FSTL4: variants seen among roughly 807,000 people sequenced by gnomAD.
FSTL4 encodes the protein follistatin like 4.
Under a neutral mutation model 78.2 loss-of-function variants are expected in FSTL4, and 28 were observed. The observed-to-expected ratio is 0.36, with a 90% CI of 0.27 to 0.49. The LOEUF is 0.49. Ranked by LOEUF, FSTL4 falls within the 20% of genes least tolerant of loss-of-function variation. The pLI, the probability that FSTL4 is intolerant of heterozygous loss-of-function variation, is 0.98. For synonymous variants in FSTL4, 422 were observed against 440.5 expected, an observed-to-expected ratio of 0.96 and a Z score of 0.53; for missense variants, 922 against 1,084.9, an observed-to-expected ratio of 0.85 and a Z score of 2.11.
chr5:133,212,744 A>C (rs528692775), intron 13 of FSTL4, among the ~76,000 whole-genome samples: 1 of 152,206 alleles, frequency 6.6e-6, no homozygotes, highest in Non-Finnish European at 1.5e-5. Context: ...CTTTTGAAAG[A>C]TATCAGTATA....
chr5:133,705,276 G>A, the FSTL4 span, among the ~76,000 whole-genome samples: 1 of 152,156 alleles, frequency 6.6e-6, no homozygotes, highest in Non-Finnish European at 1.5e-5. Flanking sequence ...GGCCAGGCTG[G>A]TCTTGAACTC....
intron 6 of FSTL4, among the ~76,000 whole-genome samples, chr5:133,298,300 G>A (rs1391303362): frequency 1.3e-5 from 2 of 152,244 alleles, no homozygotes; most frequent in East Asian, 1.9e-4. Context: ...CACATGGTGA[G>A]CCCTGCAATG....
chr5:133,782,729 G>A, the FSTL4 span, among the ~76,000 whole-genome samples: 7 of 152,174 alleles, frequency 4.6e-5, no homozygotes, highest in Non-Finnish European at 5.9e-5. Flanking sequence ...CTGTAGAGCC[G>A]GTTAGTATTT....
intron 4 of FSTL4, among the ~76,000 whole-genome samples, chr5:133,317,289 G>A (rs1267078888): frequency 6.6e-6 from 1 of 152,234 alleles, no homozygotes; most frequent in Non-Finnish European, 1.5e-5. Flanking sequence ...GAACCATGCA[G>A]TGTTTGGGGA....
chr5:133,260,173 G>A (rs1284637922), intron 6 of FSTL4, among the ~76,000 whole-genome samples: 1 of 152,146 alleles, frequency 6.6e-6, no homozygotes, highest in African/African-American at 2.4e-5. Context: ...CGGGCCGCTC[G>A]AGCAGCCGAA....
intron 3 of FSTL4, among the ~76,000 whole-genome samples, chr5:133,539,543 G>T (rs562973547): frequency 1.3e-3 from 166 of 125,492 alleles, no homozygotes; most frequent in African/African-American, 5.1e-3. Context: ...TAAAAAGGGA[G>T]AAAATGTGAG....
At position 133,346,324 on chromosome 5, in the gene FSTL4, G is replaced by A. The variant is rs2126922366; in HGVS notation, c.410-29672C>T. 2.0e-5 allele frequency among the ~76,000 whole-genome samples: 3 copies of A among 152,176 alleles called. No homozygotes were observed. In the East Asian group the frequency reaches 5.8e-4, roughly 29 times the overall value. Reference sequence around the variant, plus strand: ...CTTAAAACCTAGATGATGGGTTGATGGGTGCAGCAAACCACCATGGCACAT... The same window carrying A: ...CTTAAAACCTAGATGATGGGTTGATAGGTGCAGCAAACCACCATGGCACAT... On this transcript the variant is annotated intron_variant, in intron 4 of 15. Transcript: ENST00000265342.
At chr5:133,731,547 G>C in the FSTL4 span, among the ~76,000 whole-genome samples, 1 of 152,220 alleles carries the variant, frequency 6.6e-6, no homozygotes, top group African/African-American at 2.4e-5. Flanking sequence ...TTCTTAGAGA[G>C]ATGATAGGCT....
chr5:133,370,612 C>A (rs934320300), intron 4 of FSTL4, among the ~76,000 whole-genome samples: 2 of 151,956 alleles, frequency 1.3e-5, no homozygotes, highest in Admixed American at 6.6e-5. Context: ...GGAAGGGCAG[C>A]ATGGGTCCTG....
At chr5:133,562,801 T>C (rs1415934190) in intron 3 of FSTL4, among the ~76,000 whole-genome samples, 1 of 152,202 alleles carries the variant, frequency 6.6e-6, no homozygotes, top group Non-Finnish European at 1.5e-5. Flanking sequence ...AGGGCTGAAT[T>C]ATCCCAGCCA....
At chr5:133,633,655 T>C in the FSTL4 span, among the ~76,000 whole-genome samples, 9 of 152,226 alleles carry the variant, frequency 5.9e-5, no homozygotes, top group Non-Finnish European at 1.2e-4. Context: ...GATATCTTCC[T>C]GGTTGGTTGT....
the FSTL4 span, among the ~76,000 whole-genome samples, chr5:133,625,792 T>TATATATTCCATATATATATATTCC: frequency 3.1e-4 from 13 of 42,032 alleles, no homozygotes; most frequent in South Asian, 1.4e-3. Context: ...ATTCCATATA[T>TATATATTCCATATATATATATTCC]ATATATATTC....
intron 1 of FSTL4, among the ~76,000 whole-genome samples, chr5:133,605,317 G>A (rs897228812): frequency 6.6e-6 from 1 of 152,094 alleles, no homozygotes; most frequent in African/African-American, 2.4e-5. Flanking sequence ...AAAGACACCG[G>A]AGCTCCTTGG....
chr5:133,523,310 C>T (rs796140630), intron 3 of FSTL4, among the ~76,000 whole-genome samples: 9 of 152,282 alleles, frequency 5.9e-5, no homozygotes, highest in African/African-American at 2.2e-4. Flanking sequence ...GTTGAAGCCA[C>T]CCAGTCTGCA....
chr5:133,201,981 A>G lies in FSTL4; in HGVS notation c.1778T>C (p.Val593Ala). 3 of 1,611,706 alleles carry G rather than the reference A, an allele frequency of 1.9e-6. No individual in the cohort carries two copies. Among genetic ancestry groups the G allele is most frequent in the African/African-American group, 1.3e-5 (1 of 74,906 alleles). Reference sequence around the variant, plus strand: ...TGTTGGGGGAATGAAGAAATCATCCACTCCTGCAAAGGGTGTGCGGATGAG... The same window carrying G: ...TGTTGGGGGAATGAAGAAATCATCCGCTCCTGCAAAGGGTGTGCGGATGAG... ...QHLIRTPFAG[V>A]DDFFIPPTNL... The change falls in exon 15 of 16, where the codon GTG (valine) becomes GCG (alanine). Residue 593 changes from valine to alanine, a missense_variant. Coordinates refer to ENST00000265342, the MANE Select transcript of FSTL4 (RefSeq NM_015082.2).
chr5:133,299,470 C>G (rs1328066247), intron 6 of FSTL4, among the ~76,000 whole-genome samples: 4 of 152,192 alleles, frequency 2.6e-5, no homozygotes, highest in Non-Finnish European at 5.9e-5. Context: ...CAGGCGGCGG[C>G]TGGCAGGTGG....
chr5:133,301,568 C>T (rs749725499), intron 6 of FSTL4, among the ~76,000 whole-genome samples: 1 of 152,166 alleles, frequency 6.6e-6, no homozygotes, highest in Non-Finnish European at 1.5e-5. Flanking sequence ...GCCCATCGCA[C>T]CACCTGTGGA....
chr5:133,375,431 A>G (rs942858370), intron 4 of FSTL4, among the ~76,000 whole-genome samples: 3 of 151,374 alleles, frequency 2.0e-5, no homozygotes, highest in Non-Finnish European at 4.4e-5. Context: ...ATAATACATA[A>G]TACCTTTGTA....
intron 15 of FSTL4, among the ~76,000 whole-genome samples, chr5:133,200,019 G>A (rs1750270929): frequency 6.6e-6 from 1 of 152,166 alleles, no homozygotes; most frequent in African/African-American, 2.4e-5. Flanking sequence ...CTGGATTTAT[G>A]CTCTTGTAAC....
Sources: gnomAD v4.1 joint callset for allele counts (sites outside exome capture counted in the v4.1 genomes callset) on GRCh38, gnomAD v4.1.1 for gene constraint, MANE v1.5 for transcripts, NCBI Gene and HGNC (gene_info 2026-07-23, HGNC 2026-07-21) for gene names.